Variants in FARSB observed in about 807,000 individuals in gnomAD.
The protein encoded by FARSB is phenylalanyl-tRNA synthetase subunit beta, also known as phenylalanine--tRNA ligase beta subunit.
A neutral mutation model predicts 69.6 loss-of-function variants in FARSB; 40 were observed. The observed-to-expected ratio is 0.57, with a 90% CI of 0.45 to 0.75. FARSB has a LOEUF of 0.75. Among genes scored for constraint, FARSB ranks in the 30% least tolerant of loss-of-function variants. FARSB has a pLI of 0.00. For missense variants in FARSB, 632 were observed against 722.9 expected (o/e 0.87, Z 1.44); for synonymous variants, 235 against 247.2 (o/e 0.95, Z 0.46).
chr2:222,618,635 T>C (rs1691056878), intron 14 of FARSB, among the ~76,000 whole-genome samples: 1 of 152,230 alleles, frequency 6.6e-6, no homozygotes, highest in Non-Finnish European at 1.5e-5. Flanking sequence ...TCCTAGTCTA[T>C]AACACAAATC....
At chr2:222,593,652 G>C (rs989562337) in intron 16 of FARSB, among the ~76,000 whole-genome samples, 31 of 151,536 alleles carry the variant, frequency 2.0e-4, no homozygotes, top group African/African-American at 7.5e-4. Flanking sequence ...TTGAGGCCAG[G>C]AGTTCAAGAT....
intron 2 of FARSB, among the ~76,000 whole-genome samples, chr2:222,647,408 G>T (rs976673208): frequency 4.6e-5 from 7 of 152,162 alleles, no homozygotes; most frequent in African/African-American, 1.4e-4. Flanking sequence ...CTATGCAGTG[G>T]ATTCCTCCCC....
Position 222,640,907 on chromosome 2 carries a change from C to A in FARSB, c.294G>T (p.Arg98=), listed in dbSNP as rs1366476591. Residue 98 remains arginine, a synonymous_variant, in exon 4 of 17, where the codon CGG becomes CGT. Transcript: ENST00000281828. ...KERIKAPVYK[R]VMPDGKIQKL... Reference sequence around the variant, plus strand: ...TCTGGATTTTTCCATCAGGCATTACCCGTTTATACACTGGAGCCTTTATCC... The same window carrying A: ...TCTGGATTTTTCCATCAGGCATTACACGTTTATACACTGGAGCCTTTATCC... 1.3e-6 allele frequency: 2 copies of A among 1,540,476 alleles called. No homozygotes were observed. The highest frequency in any genetic ancestry group is 1.2e-5 in the South Asian group (1 of 85,586).
At chr2:222,645,131 A>T (rs185365108) in intron 2 of FARSB, among the ~76,000 whole-genome samples, 3 of 152,344 alleles carry the variant, frequency 2.0e-5, no homozygotes, top group Admixed American at 2.0e-4. Context: ...TTCAGAGTCA[A>T]AAAAGAAAAC....
At chr2:222,596,695 T>C (rs575160868) in intron 16 of FARSB, among the ~76,000 whole-genome samples, 7 of 152,284 alleles carry the variant, frequency 4.6e-5, no homozygotes, top group African/African-American at 1.2e-4. Flanking sequence ...GAGGAAATGA[T>C]GCAGCTAAAC....
intron 16 of FARSB, among the ~76,000 whole-genome samples, chr2:222,584,886 C>A (rs1476982927): frequency 6.6e-6 from 1 of 152,232 alleles, no homozygotes; most frequent in Admixed American, 6.5e-5. Context: ...ACAAGGCCTG[C>A]CTGCCTCTGT....
At chr2:222,647,408 GATTCCTC>G (rs1559217928) in intron 2 of FARSB, among the ~76,000 whole-genome samples, 8 of 152,280 alleles carry the variant, frequency 5.3e-5, no homozygotes, top group African/African-American at 1.4e-4. Context: ...CTATGCAGTG[GATTCCTC>G]CCCAGACCTT....
rs559023290 is a variant in FARSB, at chr2:222,648,210, A to G, written c.114+530T>C. The stretch of plus-strand genomic sequence containing the variant: ...TTTTAAATATTGTAATCATTATACA[A>G]TCAAAAGTCAAAGAAAATGCTTCCT... On this transcript the variant is annotated intron_variant, in intron 2 of 16. Transcript: ENST00000281828. 1.2e-4 allele frequency among the ~76,000 whole-genome samples: 19 copies of G among 152,322 alleles called. No individual in the cohort carries two copies. In the South Asian group the frequency reaches 3.9e-3, roughly 32 times the overall value.
chr2:222,608,922 G>A (rs543519838), intron 15 of FARSB, among the ~76,000 whole-genome samples: 1 of 152,288 alleles, frequency 6.6e-6, no homozygotes, highest in Admixed American at 6.5e-5. Context: ...TTTTGTAAAT[G>A]TAGTAGTTAT....
chr2:222,640,144 C>T (rs1294966163), intron 4 of FARSB, among the ~76,000 whole-genome samples: 3 of 152,070 alleles, frequency 2.0e-5, no homozygotes, highest in African/African-American at 7.2e-5. Flanking sequence ...GGGCTAGGGG[C>T]TAAGTATATA....
chr2:222,606,957 G>A (rs1016333466), intron 15 of FARSB, among the ~76,000 whole-genome samples: 1 of 152,218 alleles, frequency 6.6e-6, no homozygotes, highest in African/African-American at 2.4e-5. Context: ...TGTGGAGCTT[G>A]AGGTTAATAG....
At chr2:222,603,831 T>C (rs947008443) in intron 15 of FARSB, among the ~76,000 whole-genome samples, 1 of 151,460 alleles carries the variant, frequency 6.6e-6, no homozygotes, top group African/African-American at 2.4e-5. Flanking sequence ...CTCTTTCCAC[T>C]ATAGGGTACA....
intron 2 of FARSB, among the ~76,000 whole-genome samples, chr2:222,646,090 T>C (rs1691847899): frequency 6.6e-6 from 1 of 152,156 alleles, no homozygotes; most frequent in Non-Finnish European, 1.5e-5. Flanking sequence ...TCTTACTAGG[T>C]GTTACTTTTG....
intron 15 of FARSB, among the ~76,000 whole-genome samples, chr2:222,606,006 C>T (rs777015746): frequency 9.2e-5 from 14 of 152,128 alleles, no homozygotes; most frequent in Non-Finnish European, 1.9e-4. Context: ...TTATAGCATA[C>T]ACATACAATA....
At chr2:222,579,013 T>C (rs1293426965) in intron 16 of FARSB, among the ~76,000 whole-genome samples, 3 of 151,932 alleles carry the variant, frequency 2.0e-5, no homozygotes, top group African/African-American at 7.2e-5. Flanking sequence ...GAAAGAATAA[T>C]GAAATTGCAA....
intron 15 of FARSB, among the ~76,000 whole-genome samples, chr2:222,606,157 G>A (rs1690699445): frequency 6.6e-6 from 1 of 152,024 alleles, no homozygotes; most frequent in African/African-American, 2.4e-5. Flanking sequence ...CTGATTGGCT[G>A]GCTTTTTACG....
intron 5 of FARSB, among the ~76,000 whole-genome samples, chr2:222,638,011 A>G (rs1467892837): frequency 6.6e-6 from 1 of 152,166 alleles, no homozygotes; most frequent in Non-Finnish European, 1.5e-5. Flanking sequence ...AAAGATCAAT[A>G]AAACTGATAA....
intron 5 of FARSB, among the ~76,000 whole-genome samples, chr2:222,638,657 T>TC (rs1691643773): frequency 6.6e-6 from 1 of 152,172 alleles, no homozygotes; most frequent in Non-Finnish European, 1.5e-5. Flanking sequence ...TCTACGGTTC[T>TC]CCCTCTATCC....
intron 10 of FARSB, among the ~76,000 whole-genome samples, chr2:222,625,538 G>A (rs1691247021): frequency 6.6e-6 from 1 of 152,232 alleles, no homozygotes; most frequent in Non-Finnish European, 1.5e-5. Context: ...TCGTGAGAAA[G>A]GCTGACTGCA....
Sources: allele counts gnomAD v4.1 joint callset (sites outside exome capture counted in the v4.1 genomes callset), GRCh38; gene constraint gnomAD v4.1.1; transcripts MANE v1.5; gene names NCBI Gene and HGNC (gene_info 2026-07-23, HGNC 2026-07-21).